Variants in NRG3 observed in about 807,000 individuals in gnomAD.
The protein encoded by NRG3 is pro-neuregulin-3, membrane-bound isoform.
Under a neutral mutation model 66.9 loss-of-function variants are expected in NRG3, and 31 were observed. The observed-to-expected ratio is 0.46, with a 90% CI of 0.35 to 0.63. The LOEUF (loss-of-function observed/expected upper bound fraction) is 0.63. Ranked by LOEUF, NRG3 falls within the 20% of genes least tolerant of loss-of-function variation. The pLI is 0.00. For missense variants in NRG3, 910 were observed against 878.9 expected, an observed-to-expected ratio of 1.04 and a Z score of -0.45; for synonymous variants, 393 against 359.4, an observed-to-expected ratio of 1.09 and a Z score of -1.06.
At chr10:82,043,316 CT>C (rs1264788124) in intron 1 of NRG3, among the ~76,000 whole-genome samples, 1 of 152,034 alleles carries the variant, frequency 6.6e-6, no homozygotes, top group Non-Finnish European at 1.5e-5. Context: ...TTTCTCCACA[CT>C]TAAGTGTGTC....
intron 2 of NRG3, among the ~76,000 whole-genome samples, chr10:82,590,699 G>T (rs959631559): frequency 2.6e-5 from 4 of 152,206 alleles, no homozygotes; most frequent in African/African-American, 9.6e-5. Context: ...CAGCTGGCAT[G>T]ATAAGTGAGG....
chr10:82,630,541 G>T (rs897599175), intron 2 of NRG3, among the ~76,000 whole-genome samples: 1 of 151,950 alleles, frequency 6.6e-6, no homozygotes, highest in Non-Finnish European at 1.5e-5. Context: ...GCCCGGACGT[G>T]GTGGTGGGCA....
intron 1 of NRG3, among the ~76,000 whole-genome samples, chr10:82,177,041 T>A (rs1250491918): frequency 6.6e-6 from 1 of 151,906 alleles, no homozygotes; most frequent in African/African-American, 2.4e-5. Flanking sequence ...TACCCTTTCC[T>A]TACCTGCGTA....
intron 1 of NRG3, among the ~76,000 whole-genome samples, chr10:81,959,294 C>T (rs1015602762): frequency 6.6e-6 from 1 of 152,094 alleles, no homozygotes; most frequent in African/African-American, 2.4e-5. Context: ...ACAAATACTA[C>T]CCCCAAGAAT....
intron 2 of NRG3, among the ~76,000 whole-genome samples, chr10:82,579,933 C>T (rs1418795216): frequency 6.6e-6 from 1 of 151,918 alleles, no homozygotes; most frequent in African/African-American, 2.4e-5. Context: ...TACAGTCACT[C>T]CTTGGTATCT....
chr10:82,020,273 A>T (rs1260664777), intron 1 of NRG3, among the ~76,000 whole-genome samples: 1 of 152,104 alleles, frequency 6.6e-6, no homozygotes, highest in Non-Finnish European at 1.5e-5. Flanking sequence ...TTTGTAGAAT[A>T]TTTTGTAATT....
intron 1 of NRG3, among the ~76,000 whole-genome samples, chr10:81,939,457 A>C (rs550220957): frequency 6.6e-6 from 1 of 152,070 alleles, no homozygotes; most frequent in East Asian, 1.9e-4. Context: ...TACTAGTTAT[A>C]GAGCTGTTCA....
At chr10:82,727,352 AG>A (rs1188187628) in intron 2 of NRG3, among the ~76,000 whole-genome samples, 11 of 152,156 alleles carry the variant, frequency 7.2e-5, no homozygotes, top group Admixed American at 6.5e-4. Context: ...TTTGTGGGCC[AG>A]GCCTAGGGCC....
intron 2 of NRG3, among the ~76,000 whole-genome samples, chr10:82,500,113 G>T (rs1359131626): frequency 1.3e-5 from 2 of 152,124 alleles, no homozygotes; most frequent in Admixed American, 1.3e-4. Flanking sequence ...AAAAGGAGAG[G>T]CATATGCTAG....
At chr10:82,928,921 T>A (rs1292207460) in intron 4 of NRG3, among the ~76,000 whole-genome samples, 1 of 152,204 alleles carries the variant, frequency 6.6e-6, no homozygotes, top group African/African-American at 2.4e-5. Context: ...CTCACTAATC[T>A]GAGAAGGCTG....
intron 1 of NRG3, among the ~76,000 whole-genome samples, chr10:82,049,825 G>A (rs553423132): frequency 5.3e-5 from 8 of 152,016 alleles, no homozygotes; most frequent in Admixed American, 2.6e-4. Context: ...CATTCATCTC[G>A]TGTGACCCTG....
intron 1 of NRG3, among the ~76,000 whole-genome samples, chr10:81,947,610 G>A (rs1006816202): frequency 2.6e-5 from 4 of 151,854 alleles, no homozygotes; most frequent in African/African-American, 9.7e-5. Flanking sequence ...CCCCAGAGTA[G>A]GCATGTTCTA....
intron 2 of NRG3, among the ~76,000 whole-genome samples, chr10:82,418,458 G>GA (rs976349022): frequency 1.3e-5 from 2 of 152,082 alleles, no homozygotes; most frequent in Admixed American, 1.3e-4. Flanking sequence ...TTATGCAAAT[G>GA]AAAAGAGGAG....
intron 2 of NRG3, among the ~76,000 whole-genome samples, chr10:82,686,947 G>A (rs2054562769): frequency 6.6e-6 from 1 of 152,176 alleles, no homozygotes; most frequent in Admixed American, 6.5e-5. Context: ...CGGGTTATGG[G>A]ACATGAAGCA....
chr10:82,028,833 T>C (rs989776255), intron 1 of NRG3, among the ~76,000 whole-genome samples: 2 of 152,114 alleles, frequency 1.3e-5, no homozygotes, highest in African/African-American at 4.8e-5. Flanking sequence ...CGTAAGGATT[T>C]ATGTGGAGCT....
At chr10:81,949,676 T>C (rs1279117557) in intron 1 of NRG3, among the ~76,000 whole-genome samples, 2 of 152,192 alleles carry the variant, frequency 1.3e-5, no homozygotes, top group African/African-American at 4.8e-5. Context: ...AAACACGTTA[T>C]GAGAATGTTT....
At chr10:82,729,183 T>C (rs1405667363) in intron 2 of NRG3, among the ~76,000 whole-genome samples, 2 of 152,146 alleles carry the variant, frequency 1.3e-5, no homozygotes, top group Non-Finnish European at 2.9e-5. Context: ...CTACCTACAT[T>C]GAAAACTAGA....
At chr10:82,126,789 G>A (rs1054123666) in intron 1 of NRG3, among the ~76,000 whole-genome samples, 2 of 152,076 alleles carry the variant, frequency 1.3e-5, no homozygotes, top group East Asian at 1.9e-4. Flanking sequence ...TGCAACCTGC[G>A]TAAGTTCTTT....
At chr10:82,637,530 G>A (rs2050282687) in intron 2 of NRG3, among the ~76,000 whole-genome samples, 1 of 152,114 alleles carries the variant, frequency 6.6e-6, no homozygotes, top group Non-Finnish European at 1.5e-5. Context: ...AAGTCCCATA[G>A]GATATAATCA....
Sources: gnomAD v4.1 joint callset for allele counts (sites outside exome capture counted in the v4.1 genomes callset) on GRCh38, gnomAD v4.1.1 for gene constraint, MANE v1.5 for transcripts, NCBI Gene and HGNC (gene_info 2026-07-23, HGNC 2026-07-21) for gene names.